RBKS: variants seen among roughly 807,000 people sequenced by gnomAD.
RBKS encodes ribokinase.
RBKS carries 33 observed loss-of-function variants against 33.9 expected under a neutral mutation model. The observed-to-expected ratio is 0.97, with a 90% confidence interval of 0.74 to 1.30. The LOEUF is 1.30. Among genes scored for constraint, RBKS ranks in the 50% most tolerant of loss-of-function variants. The pLI is 0.00. For synonymous variants in RBKS, 125 were observed against 143.0 expected, an observed-to-expected ratio of 0.87 and a Z score of 0.90; for missense variants, 361 against 392.6, an observed-to-expected ratio of 0.92 and a Z score of 0.68.
At chr2:27,849,361 G>A (rs972193603) in intron 2 of RBKS, among the ~76,000 whole-genome samples, 3 of 151,764 alleles carry the variant, frequency 2.0e-5, no homozygotes, top group South Asian at 2.1e-4. Flanking sequence ...TCAGGAGTTC[G>A]AGGCCAGCCT....
Position 27,781,471 on chromosome 2 carries a change from A to C in RBKS, c.*144T>G. ...GCAAAAGAATCATCGTTATAAATAA[A>C]TTGAAGCTTGAGGATGACTTCGTAA... On this transcript the variant is annotated 3_prime_UTR_variant, in exon 8 of 8. Transcript: ENST00000302188. The C allele has an allele frequency of 1.6e-6, 1 of 632,810 alleles. No individual in the cohort carries two copies. The highest frequency in any genetic ancestry group is 2.6e-6 in the Non-Finnish European group (1 of 377,596). 39.2% of individuals were successfully genotyped at this position (632,810 alleles called of 1,614,324 possible).
chr2:27,802,812 C>T (rs1677826075), intron 7 of RBKS, among the ~76,000 whole-genome samples: 1 of 152,126 alleles, frequency 6.6e-6, no homozygotes, highest in South Asian at 2.1e-4. Context: ...AGGAATTTAA[C>T]AAGAAGATGA....
At chr2:27,828,301 A>G (rs1399405292) in intron 6 of RBKS, among the ~76,000 whole-genome samples, 2 of 152,122 alleles carry the variant, frequency 1.3e-5, no homozygotes, top group African/African-American at 4.8e-5. Context: ...TCTACCAAAA[A>G]AAAAAGAAAA....
At chr2:27,809,786 A>C (rs1677958258) in intron 7 of RBKS, 3 of 433,126 alleles carry the variant, frequency 6.9e-6, no homozygotes, top group Non-Finnish European at 1.2e-5. Flanking sequence ...CATGCTAAAT[A>C]ATACAGAGCT....
chr2:27,808,168 G>C (rs1040926670), intron 7 of RBKS, among the ~76,000 whole-genome samples: 2 of 152,228 alleles, frequency 1.3e-5, no homozygotes, highest in African/African-American at 4.8e-5. Context: ...ATCAAAGTAA[G>C]GTGGGGCTAA....
At position 27,843,064 on chromosome 2, in the gene RBKS, T is replaced by C. The variant is rs1663544226; in HGVS notation, c.514+3A>G. 1 of 1,568,034 alleles carries C rather than the reference T, an allele frequency of 6.4e-7. No homozygotes were observed. The highest frequency in any genetic ancestry group is 1.2e-5 in the South Asian group (1 of 84,290). ...AGAAAGAATGACAAATATGTATAATTACCTCCACTCCTGCGGGCCATTGTT... is the reference window on the plus strand; with the variant it reads ...AGAAAGAATGACAAATATGTATAATCACCTCCACTCCTGCGGGCCATTGTT... On this transcript the variant is annotated splice_donor_region_variant and intron_variant, in intron 5 of 7. Transcript: ENST00000302188.
intron 5 of RBKS, among the ~76,000 whole-genome samples, chr2:27,840,358 GCGCGCGCACA>G (rs1663463207): frequency 2.3e-5 from 3 of 132,344 alleles, no homozygotes; most frequent in African/African-American, 9.7e-5. Flanking sequence ...ACACACACGC[GCGCGCGCACA>G]CACACACACA....
intron 5 of RBKS, among the ~76,000 whole-genome samples, chr2:27,840,327 TACACAC>T (rs544313433): frequency 1.3e-4 from 15 of 117,810 alleles, no homozygotes; most frequent in Admixed American, 2.7e-4. Flanking sequence ...GATGATGCAT[TACACAC>T]ACACACACAC....
chr2:27,831,742 A>G (rs187298950), intron 6 of RBKS, among the ~76,000 whole-genome samples: 1 of 152,254 alleles, frequency 6.6e-6, no homozygotes, highest in East Asian at 1.9e-4. Context: ...AGCCTAGGCA[A>G]CATGGCGAAA....
chr2:27,840,368 A>ACGCACGCG (rs1663465077), intron 5 of RBKS, among the ~76,000 whole-genome samples: 1 of 116,182 alleles, frequency 8.6e-6, no homozygotes, highest in African/African-American at 3.3e-5. Flanking sequence ...GCGCGCGCAC[A>ACGCACGCG]CACACACACA....
chr2:27,786,811 A>T (rs1365076086), intron 7 of RBKS, among the ~76,000 whole-genome samples: 2 of 152,000 alleles, frequency 1.3e-5, no homozygotes, highest in African/African-American at 4.8e-5. Flanking sequence ...AAAGTTTAAA[A>T]AATATTGTAC....
At chr2:27,846,680 T>G (rs1428545045) in intron 4 of RBKS, among the ~76,000 whole-genome samples, 1 of 152,240 alleles carries the variant, frequency 6.6e-6, no homozygotes, top group African/African-American at 2.4e-5. Context: ...TTACATATAC[T>G]TACCTAGTGT....
intron 7 of RBKS, among the ~76,000 whole-genome samples, chr2:27,792,093 C>T (rs752003525): frequency 2.0e-4 from 30 of 152,142 alleles, no homozygotes; most frequent in Non-Finnish European, 3.7e-4. Context: ...TGATTTACTC[C>T]AAAGCGTGTG....
At chr2:27,857,326 T>G (rs1032599821) in intron 2 of RBKS, among the ~76,000 whole-genome samples, 7 of 152,234 alleles carry the variant, frequency 4.6e-5, no homozygotes, top group African/African-American at 1.7e-4. Flanking sequence ...TTTCCTGTTA[T>G]ACTAATGCTA....
intron 7 of RBKS, among the ~76,000 whole-genome samples, chr2:27,789,992 G>GT: frequency 8.6e-5 from 12 of 139,330 alleles, no homozygotes; most frequent in African/African-American, 2.2e-4. Context: ...TATGTAGAGA[G>GT]AGAGAGAGAG....
chr2:27,782,322 C>T (rs1677303919), intron 7 of RBKS, among the ~76,000 whole-genome samples: 1 of 151,692 alleles, frequency 6.6e-6, no homozygotes, highest in African/African-American at 2.4e-5. Flanking sequence ...GCCAGGACTA[C>T]AGGCATGTGC....
At chr2:27,784,281 C>T (rs970829354) in intron 7 of RBKS, among the ~76,000 whole-genome samples, 15 of 150,836 alleles carry the variant, frequency 9.9e-5, no homozygotes, top group Admixed American at 1.3e-4. Context: ...CCGCGCCCGG[C>T]CTCTCAGGGT....
At chr2:27,806,043 T>C (rs994554025) in intron 7 of RBKS, among the ~76,000 whole-genome samples, 4 of 151,712 alleles carry the variant, frequency 2.6e-5, no homozygotes, top group African/African-American at 9.7e-5. Context: ...AGGTGGGTGG[T>C]TAATTTTTTT....
chr2:27,844,305 G>A (rs975202914), intron 4 of RBKS, among the ~76,000 whole-genome samples: 2 of 150,780 alleles, frequency 1.3e-5, no homozygotes, highest in East Asian at 3.9e-4. Context: ...CCACTGAGGT[G>A]TGCTTCAAGT....
Sources: gnomAD v4.1 joint callset for allele counts (sites outside exome capture counted in the v4.1 genomes callset) on GRCh38, gnomAD v4.1.1 for gene constraint, MANE v1.5 for transcripts, NCBI Gene and HGNC (gene_info 2026-07-23, HGNC 2026-07-21) for gene names.